The following USP24 variants were observed in gnomAD, a reference collection of about 807,000 sequenced individuals.
USP24 encodes ubiquitin specific peptidase 24.
In USP24, 97 loss-of-function variants were observed where a neutral mutation model predicts 361.6. The observed-to-expected ratio is 0.27, with a 90% CI of 0.23 to 0.32. The LOEUF is 0.32. USP24 is among the 10% of genes least tolerant of loss of function. The pLI, the probability that USP24 is intolerant of heterozygous loss-of-function variation, is 1.00. For synonymous variants in USP24, 1,098 were observed against 1,124.6 expected (o/e 0.98, Z 0.47); for missense variants, 2,353 against 3,165.6 (o/e 0.74, Z 6.16).
intron 1 of USP24, among the ~76,000 whole-genome samples, chr1:55,201,970 C>T (rs530924236): frequency 6.6e-6 from 1 of 152,198 alleles, no homozygotes; most frequent in South Asian, 2.1e-4. Flanking sequence ...ATTGATACCA[C>T]ACACACAGTG....
At chr1:55,077,848 C>G (rs868497185) in intron 61 of USP24, among the ~76,000 whole-genome samples, 3 of 152,154 alleles carry the variant, frequency 2.0e-5, no homozygotes, top group Non-Finnish European at 2.9e-5. Context: ...AGGCCAGGTA[C>G]AGTACTAAGT....
At chr1:55,165,858 G>A in intron 7 of USP24, 27 bp downstream of exon 7, 1 of 1,549,038 alleles carries the variant, frequency 6.5e-7, no homozygotes, top group South Asian at 1.2e-5. Flanking sequence ...AATTTCCACA[G>A]TGAGCATATA....
intron 54 of USP24, among the ~76,000 whole-genome samples, chr1:55,091,327 G>A (rs1254990682): frequency 1.3e-5 from 2 of 152,128 alleles, no homozygotes; most frequent in East Asian, 3.9e-4. Context: ...ATTGTGAACT[G>A]CACACATGAG....
At chr1:55,170,458 T>C (rs1305162918) in intron 5 of USP24, among the ~76,000 whole-genome samples, 1 of 152,170 alleles carries the variant, frequency 6.6e-6, no homozygotes, top group Non-Finnish European at 1.5e-5. Context: ...GAGAAGAGTT[T>C]AGCATTTGGG....
intron 43 of USP24, 121 bp from the exon 44 acceptor site, chr1:55,101,085 G>C (rs1645622689): frequency 8.7e-7 from 1 of 1,151,608 alleles, no homozygotes; most frequent in South Asian, 1.7e-5. Context: ...TTTGGACATG[G>C]CTATAATGCT....
chr1:55,147,119 T>C (rs778997421), intron 18 of USP24, 59 bp from the exon 19 acceptor site: 21 of 1,458,262 alleles, frequency 1.4e-5, no homozygotes, highest in Non-Finnish European at 1.9e-5. Flanking sequence ...AAAAGCAACA[T>C]TAAAACAAAA....
chr1:55,084,832 C>A (rs1170011656), intron 56 of USP24, among the ~76,000 whole-genome samples: 1 of 152,220 alleles, frequency 6.6e-6, no homozygotes, highest in Admixed American at 6.5e-5. Flanking sequence ...TCTCTTTCTG[C>A]CGCCTGCTGT....
Position 55,178,082 on chromosome 1 carries a change from T to G in USP24, c.375A>C (p.Thr125=). 5.2e-6 allele frequency: 8 copies of G among 1,551,572 alleles called. No homozygotes were observed. The highest frequency in any genetic ancestry group is 2.0e-5 in the Admixed American group (1 of 50,998). ...NCSGEGIEFP[T]TNLYELESRV... ...GGCTTTCCAGTTCATATAAATTTGT[T>G]GTAGGGAATTCAATTCCTTCCCCTG... Residue 125 remains threonine, a synonymous_variant, in exon 2 of 68, where the codon ACA becomes ACC. Transcript: ENST00000294383.
intron 1 of USP24, among the ~76,000 whole-genome samples, chr1:55,187,485 A>C (rs903397715): frequency 6.6e-6 from 1 of 152,242 alleles, no homozygotes; most frequent in East Asian, 1.9e-4. Context: ...TTCAGATTAA[A>C]GAGGATGAAA....
chr1:55,128,713 CTTTTTTTTTT>C (rs869191004), intron 32 of USP24, among the ~76,000 whole-genome samples: 27 of 124,880 alleles, frequency 2.2e-4, no homozygotes, highest in African/African-American at 8.1e-4. Flanking sequence ...GCTTTAATAC[CTTTTTTTTTT>C]TTTTTTTTTT....
chr1:55,135,788 T>C (rs1646717528), intron 28 of USP24, among the ~76,000 whole-genome samples: 1 of 152,202 alleles, frequency 6.6e-6, no homozygotes, highest in Non-Finnish European at 1.5e-5. Flanking sequence ...AAAAACCCTA[T>C]ATGTCTTTTA....
rs1286935883 is a variant in USP24, at chr1:55,125,323, T to C, written c.3957A>G (p.Ile1319Met). 5 of 1,613,390 alleles carry C rather than the reference T, an allele frequency of 3.1e-6. No homozygotes were observed. Among genetic ancestry groups the C allele is most frequent in the Non-Finnish European group, 4.2e-6 (5 of 1,179,332 alleles). ...EEIIPAARVA[I>M]QTMEVSDFTS... Reference sequence around the variant, plus strand: ...CTTGAATACACAAATCACTTACTTGTATTGCAACTCGAGCAGCAGGGATGA... The same window carrying C: ...CTTGAATACACAAATCACTTACTTGCATTGCAACTCGAGCAGCAGGGATGA... The change falls in exon 34 of 68, where the codon ATA becomes ATG. Residue 1319 changes from isoleucine to methionine, a missense_variant. Ile to Met is a conservative substitution (Grantham distance 10). This residue lies in a region of USP24 where 949 missense variants were observed against 1,280.5 expected (regional missense o/e 0.74). Coordinates refer to ENST00000294383, the MANE Select transcript of USP24 (RefSeq NM_015306.3).
chr1:55,179,316 T>A (rs1163293308), intron 1 of USP24, among the ~76,000 whole-genome samples: 1 of 152,194 alleles, frequency 6.6e-6, no homozygotes, highest in Non-Finnish European at 1.5e-5. Context: ...TTCCTAGTCA[T>A]CAAATACTTC....
intron 37 of USP24, 64 bp from the exon 38 acceptor site, chr1:55,120,820 G>GTGATTTTCT (rs1202802142): frequency 1.3e-5 from 18 of 1,433,310 alleles, no homozygotes; most frequent in Non-Finnish European, 1.6e-5. Context: ...TGCTTAAAAA[G>GTGATTTTCT]TGATTTTCTT....
At position 55,076,023 on chromosome 1, in the gene USP24, C is replaced by A. The variant is rs866958959; in HGVS notation, c.7381-500G>T. Reference sequence around the variant, plus strand: ...ACAAACAAATATTACACGGCTGCCACATATCTCAAATATATCTTAAAACTA... The same window carrying A: ...ACAAACAAATATTACACGGCTGCCAAATATCTCAAATATATCTTAAAACTA... On this transcript the variant is annotated intron_variant, in intron 62 of 67. Transcript: ENST00000294383. Among the ~76,000 whole-genome samples, 6 of 151,956 alleles carry A rather than the reference C, an allele frequency of 3.9e-5. No individual in the cohort carries two copies. The East Asian group carries it at 5.8e-4, about 15-fold the overall frequency.
At position 55,083,347 on chromosome 1, in the gene USP24, T is replaced by A; in HGVS notation, c.6900A>T (p.Gly2300=). The part of the protein sequence containing the change: ...TFVQKQGIRA[G]DLLLRHSALR... The stretch of plus-strand genomic sequence containing the variant: ...GAGCTGAATGCCTCAGAAGAAGATC[T>A]CCAGCCCTAATTCCTTGCTGTCACA... Residue 2300 remains glycine (G), a synonymous_variant, in exon 58 of 68, where the codon GGA becomes GGT. Coordinates refer to ENST00000294383, the MANE Select transcript of USP24 (RefSeq NM_015306.3). 6.2e-7 allele frequency: 1 copy of A among 1,613,612 alleles called. No homozygotes were observed. The highest frequency in any genetic ancestry group is 8.5e-7 in the Non-Finnish European group (1 of 1,179,670).
Position 55,110,205 on chromosome 1 carries a change from T to A in USP24, c.4550A>T (p.Gln1517Leu). Residue 1517 changes from glutamine (Q) to leucine (L), a missense_variant, in exon 39 of 68, where the codon CAG becomes CTG. By Grantham distance (113) the Gln-to-Leu change is moderately radical. Around this residue, in one of 8 missense-constraint regions of USP24, gnomAD observed 949 missense variants for 1,280.5 expected, o/e 0.74. Transcript: ENST00000294383. ...QCMEYFDLRCQLLDDLTTSEM... is the reference protein window; with the variant it reads ...QCMEYFDLRCLLLDDLTTSEM... ...CTTACTTGTCAGATCATCTAATAAC[T>A]GGCATCTCAAATCAAAATACTCCAT... The A allele has an allele frequency of 6.4e-7, 1 of 1,553,766 alleles. No individual in the cohort carries two copies. Among genetic ancestry groups the A allele is most frequent in the Middle Eastern group, 1.7e-4 (1 of 5,982 alleles).
intron 1 of USP24, among the ~76,000 whole-genome samples, chr1:55,197,239 C>T (rs1320826892): frequency 6.6e-6 from 1 of 151,654 alleles, no homozygotes; most frequent in African/African-American, 2.4e-5. Flanking sequence ...CTTATCATAC[C>T]CCCTACCCAC....
intron 17 of USP24, 105 bp from the exon 18 acceptor site, chr1:55,147,903 C>T (rs752297613): frequency 1.3e-5 from 15 of 1,187,714 alleles, no homozygotes; most frequent in Middle Eastern, 5.0e-4. Flanking sequence ...TGAGACAAAG[C>T]AAACATAAGA....
Sources: gnomAD v4.1 joint callset for allele counts (sites outside exome capture counted in the v4.1 genomes callset) on GRCh38, gnomAD v4.1.1 for gene constraint, gnomAD v4.1.1 regional missense constraint, MANE v1.5 for transcripts, NCBI Gene and HGNC (gene_info 2026-07-23, HGNC 2026-07-21) for gene names.